The following LAMA2 variants were observed in gnomAD, a reference collection of about 807,000 sequenced individuals.
LAMA2 encodes the protein laminin subunit alpha-2.
Under a neutral mutation model 364.8 loss-of-function variants are expected in LAMA2, and 269 were observed. That is an observed-to-expected ratio of 0.74 (90% CI 0.67 to 0.82). The LOEUF is 0.82. LAMA2 is among the 40% of genes least tolerant of loss of function. LAMA2 has a pLI of 0.00. For synonymous variants in LAMA2, 1,379 were observed against 1,370.6 expected, an observed-to-expected ratio of 1.01 and a Z score of -0.14; for missense variants, 3,807 against 3,873.2, an observed-to-expected ratio of 0.98 and a Z score of 0.45.
At chr6:129,246,063 T>A (rs1785730659) in intron 12 of LAMA2, among the ~76,000 whole-genome samples, 1 of 152,040 alleles carries the variant, frequency 6.6e-6, no homozygotes, top group Non-Finnish European at 1.5e-5. Context: ...AACCTAGCAA[T>A]TGTTTAAAAA....
intron 21 of LAMA2, among the ~76,000 whole-genome samples, chr6:129,300,064 T>C (rs986841166): frequency 6.6e-6 from 1 of 152,138 alleles, no homozygotes. Flanking sequence ...ATTTTTGCAA[T>C]CTTTGAAAAA....
chr6:129,313,958 A>G (rs910168972), intron 23 of LAMA2, among the ~76,000 whole-genome samples: 7 of 152,234 alleles, frequency 4.6e-5, no homozygotes, highest in African/African-American at 1.7e-4. Flanking sequence ...AATTATATAA[A>G]TTGATATTTT....
intron 28 of LAMA2, among the ~76,000 whole-genome samples, chr6:129,326,648 A>G (rs1311989426): frequency 6.7e-6 from 1 of 149,400 alleles, no homozygotes; most frequent in Non-Finnish European, 1.5e-5. Context: ...ATAGTAACAC[A>G]CATGCATGCA....
chr6:129,415,808 T>C (rs985070582), intron 40 of LAMA2, among the ~76,000 whole-genome samples: 3 of 152,026 alleles, frequency 2.0e-5, no homozygotes, highest in Admixed American at 2.0e-4. Context: ...ATCATGCCAC[T>C]GCACTCCAGC....
chr6:129,441,821 A>C (rs563103809), intron 43 of LAMA2, among the ~76,000 whole-genome samples: 57 of 152,168 alleles, frequency 3.7e-4, no homozygotes, highest in African/African-American at 1.4e-3. Context: ...TTTACAAAAA[A>C]TTTAAAAAAT....
chr6:128,883,786 T>TA (rs1775970813), intron 1 of LAMA2, among the ~76,000 whole-genome samples: 1 of 133,806 alleles, frequency 7.5e-6, no homozygotes. Flanking sequence ...CAAAAAAAAA[T>TA]TATATATATA....
intron 4 of LAMA2, among the ~76,000 whole-genome samples, chr6:129,114,101 G>C (rs892204644): frequency 6.6e-6 from 1 of 151,842 alleles, no homozygotes; most frequent in South Asian, 2.1e-4. Context: ...GCATCTTCAG[G>C]CCCTTTAGAC....
intron 10 of LAMA2, among the ~76,000 whole-genome samples, chr6:129,188,229 A>G (rs1481146431): frequency 1.3e-5 from 2 of 151,898 alleles, no homozygotes; most frequent in African/African-American, 4.8e-5. Flanking sequence ...TTATCTTCAT[A>G]GTGCCTAGAA....
chr6:129,452,809 T>C lies in LAMA2; in HGVS notation c.6430-179T>C, dbSNP rs59482767. 2.8e-3 allele frequency among the ~76,000 whole-genome samples: 429 copies of C among 152,302 alleles called. 3 individuals carry two copies. The highest frequency in any genetic ancestry group is 9.6e-3 in the African/African-American group (400 of 41,578). On this transcript the variant is annotated intron_variant, in intron 45 of 64. Transcript: ENST00000421865. ...AGTCAAAATTCTAGTGGAAAACTGC[T>C]CTTCTGTGCCCTCATTAATGAGTAT... is the stretch of plus-strand genomic sequence containing the variant.
chr6:129,113,003 G>A (rs1214516568), intron 4 of LAMA2, among the ~76,000 whole-genome samples: 1 of 152,020 alleles, frequency 6.6e-6, no homozygotes, highest in African/African-American at 2.4e-5. Flanking sequence ...ACATGTCATA[G>A]AAACAGATTT....
chr6:129,173,953 A>C (rs922788943), intron 9 of LAMA2, among the ~76,000 whole-genome samples: 6 of 152,162 alleles, frequency 3.9e-5, no homozygotes, highest in African/African-American at 1.4e-4. Context: ...TATTAAAAAC[A>C]GTGATAGTAT....
At chr6:129,169,387 G>C (rs1397742912) in intron 9 of LAMA2, among the ~76,000 whole-genome samples, 1 of 148,576 alleles carries the variant, frequency 6.7e-6, no homozygotes, top group African/African-American at 2.6e-5. Context: ...GTTGAATTTT[G>C]TCAAAGGCTT....
chr6:129,395,590 C>T (rs754575215), intron 37 of LAMA2, among the ~76,000 whole-genome samples: 3 of 152,148 alleles, frequency 2.0e-5, no homozygotes, highest in Admixed American at 6.5e-5. Flanking sequence ...TTGAGAACCA[C>T]GGGTATAAAC....
chr6:129,483,165 T>C (rs937587632), intron 55 of LAMA2, among the ~76,000 whole-genome samples: 26 of 151,612 alleles, frequency 1.7e-4, no homozygotes, highest in Non-Finnish European at 7.4e-5. Flanking sequence ...TAACAGTCAT[T>C]CATGATTTTT....
chr6:128,938,408 C>T (rs1779963627), intron 1 of LAMA2, among the ~76,000 whole-genome samples: 1 of 152,132 alleles, frequency 6.6e-6, no homozygotes, highest in South Asian at 2.1e-4. Context: ...TTTATATGAT[C>T]TCACCACAAC....
At chr6:128,946,384 T>G (rs1212604074) in intron 1 of LAMA2, among the ~76,000 whole-genome samples, 2 of 152,158 alleles carry the variant, frequency 1.3e-5, no homozygotes, top group African/African-American at 2.4e-5. Context: ...CTGTGGAATA[T>G]TGTTGGTTCA....
At chr6:129,044,832 C>T (rs1787361098) in intron 1 of LAMA2, among the ~76,000 whole-genome samples, 1 of 152,066 alleles carries the variant, frequency 6.6e-6, no homozygotes, top group Non-Finnish European at 1.5e-5. Context: ...TCAATACTCT[C>T]TAAAGGTTCA....
intron 19 of LAMA2, among the ~76,000 whole-genome samples, chr6:129,289,822 A>G (rs973340150): frequency 1.2e-4 from 18 of 152,148 alleles, no homozygotes; most frequent in Non-Finnish European, 1.8e-4. Context: ...TGCCGTGAGT[A>G]TAGATGTGAT....
At chr6:128,952,184 A>G (rs1780866833) in intron 1 of LAMA2, among the ~76,000 whole-genome samples, 1 of 152,114 alleles carries the variant, frequency 6.6e-6, no homozygotes, top group African/African-American at 2.4e-5. Flanking sequence ...GAAAACAAAA[A>G]CAAACCATTT....
Sources: allele counts gnomAD v4.1 joint callset (sites outside exome capture counted in the v4.1 genomes callset), GRCh38; gene constraint gnomAD v4.1.1; transcripts MANE v1.5; gene names NCBI Gene and HGNC (gene_info 2026-07-23, HGNC 2026-07-21).